Variants in SUPT16H observed in about 807,000 individuals in gnomAD.
SUPT16H encodes the protein FACT complex subunit SPT16.
A neutral mutation model predicts 136.2 loss-of-function variants in SUPT16H; 24 were observed. That is an observed-to-expected ratio of 0.18 (90% CI 0.13 to 0.25). The LOEUF is 0.25. Ranked by LOEUF, SUPT16H falls within the 10% of genes least tolerant of loss-of-function variation. The pLI is 1.00. For missense variants in SUPT16H, 623 were observed against 1,270.2 expected (o/e 0.49, Z 7.74); for synonymous variants, 415 against 428.2 (o/e 0.97, Z 0.38).
At chr14:21,356,078 C>T (rs907261102) in intron 22 of SUPT16H, among the ~76,000 whole-genome samples, 1 of 152,144 alleles carries the variant, frequency 6.6e-6, no homozygotes, top group Admixed American at 6.6e-5. Context: ...AGGGAGAATC[C>T]ACCACAACCT....
chr14:21,373,962 A>G (rs1886843365), intron 1 of SUPT16H, among the ~76,000 whole-genome samples: 1 of 152,182 alleles, frequency 6.6e-6, no homozygotes, highest in African/African-American at 2.4e-5. Context: ...TCCTAACTTC[A>G]GGTGATCCAC....
chr14:21,353,470 C>G lies in SUPT16H; in HGVS notation c.2998+18G>C, dbSNP rs1886366880. On this transcript the variant is annotated intron_variant, in intron 25 of 25. Coordinates refer to ENST00000216297, the MANE Select transcript of SUPT16H (RefSeq NM_007192.4). ...TGTGCGTAGACAAATGAATAAAAAA[C>G]AACACATTTTTAAAAACCTTTTCGG... is the stretch of plus-strand genomic sequence containing the variant. The G allele has an allele frequency of 6.2e-7, 1 of 1,609,722 alleles. No homozygotes were observed. Among genetic ancestry groups the G allele is most frequent in the Non-Finnish European group, 8.5e-7 (1 of 1,178,238 alleles).
At chr14:21,383,517 G>GT in intron 1 of SUPT16H, 1 of 638,814 alleles carries the variant, frequency 1.6e-6, no homozygotes, top group South Asian at 1.7e-5. Flanking sequence ...GAGCGAGTGC[G>GT]TGAGAACACG....
At chr14:21,363,609 G>T in intron 10 of SUPT16H, 106 bp from the exon 11 acceptor site, 1 of 895,940 alleles carries the variant, frequency 1.1e-6, no homozygotes, top group Non-Finnish European at 1.8e-6. Context: ...ACACTAAAAT[G>T]TTTGACAATG....
chr14:21,382,167 A>G (rs1566398811), intron 1 of SUPT16H, among the ~76,000 whole-genome samples: 1 of 152,232 alleles, frequency 6.6e-6, no homozygotes, highest in Non-Finnish European at 1.5e-5. Context: ...ACAAAAGCAG[A>G]AAGTCTTATT....
At chr14:21,370,037 T>C in intron 4 of SUPT16H, 141 bp from the exon 5 acceptor site, 1 of 1,074,634 alleles carries the variant, frequency 9.3e-7, no homozygotes, top group South Asian at 1.6e-5. Flanking sequence ...AAACATTCTC[T>C]TCTTGAACTG....
In SUPT16H at chr14:21,359,528, T is replaced by TC; in HGVS notation, c.2256dup (p.Lys753GlufsTer7). The TC allele has an allele frequency of 6.2e-7, 1 of 1,614,192 alleles. No homozygotes were observed. Among genetic ancestry groups the TC allele is most frequent in the Non-Finnish European group, 8.5e-7 (1 of 1,180,046 alleles). On this transcript the variant is annotated frameshift_variant, in exon 19 of 26. Transcript: ENST00000216297. LOFTEE classifies it high-confidence loss of function. ...TCTCGGTCATGCATATGCTGATGTT[T>TC]CCCCAAGTCCGTGGTTATCTCTCCC...
chr14:21,366,852 G>C (rs543966217), intron 7 of SUPT16H, among the ~76,000 whole-genome samples: 4 of 152,086 alleles, frequency 2.6e-5, no homozygotes, highest in African/African-American at 9.6e-5. Context: ...CTGCCATGTT[G>C]CCCAGGCTGG....
intron 1 of SUPT16H, among the ~76,000 whole-genome samples, chr14:21,377,473 G>T (rs1886927987): frequency 6.6e-6 from 1 of 152,024 alleles, no homozygotes; most frequent in Non-Finnish European, 1.5e-5. Context: ...CATTAACAAA[G>T]CCAATAGAGT....
At position 21,372,072 on chromosome 14, in the gene SUPT16H, G is replaced by A. The variant is rs111978752; in HGVS notation, c.160-28C>T. On this transcript the variant is annotated intron_variant, in intron 2 of 25. Transcript: ENST00000216297. ...ATGGAAAAAGACAACAGTGACAACG[G>A]TATTTACAGATACAAAAATTAATGG... 3,495 of 1,583,920 alleles carry A rather than the reference G, an allele frequency of 2.2e-3. 49 individuals carry two copies. The African/African-American group carries it at 0.033, about 15-fold the overall frequency.
At chr14:21,369,052 G>T in intron 6 of SUPT16H, 152 bp downstream of exon 6, 1 of 797,534 alleles carries the variant, frequency 1.3e-6, no homozygotes, top group Non-Finnish European at 1.9e-6. Flanking sequence ...TTGCACCTGG[G>T]TGATGGACAC....
At chr14:21,377,456 C>A (rs1264590414) in intron 1 of SUPT16H, among the ~76,000 whole-genome samples, 1 of 152,126 alleles carries the variant, frequency 6.6e-6, no homozygotes, top group Non-Finnish European at 1.5e-5. Context: ...GAATTTTATA[C>A]CTACTGCATT....
In SUPT16H at chr14:21,373,229, A is replaced by C. The variant is rs929572015; in HGVS notation, c.159+109T>G. ...CCAAAGTGCTGGGATTACAGGCATG[A>C]GCCACCGCAGCCAGCCAGGAATTTA... On this transcript the variant is annotated intron_variant, in intron 2 of 25. Coordinates refer to ENST00000216297, the MANE Select transcript of SUPT16H (RefSeq NM_007192.4). The C allele has an allele frequency of 6.8e-6, 6 of 884,432 alleles. No homozygotes were observed. The African/African-American group carries it at 8.3e-5, about 12-fold the overall frequency. The allele number at this position is 884,432 out of a possible 1,614,324, so 54.8% of individuals were successfully genotyped here.
rs1566383921 is a variant in SUPT16H at position 21,360,539 on chromosome 14, GA to G, written c.2057-7del. 6 of 1,602,606 alleles carry G rather than the reference GA, an allele frequency of 3.7e-6. No homozygotes were observed. Among genetic ancestry groups the G allele is most frequent in the South Asian group, 3.3e-5 (3 of 89,986 alleles). The stretch of plus-strand genomic sequence containing the variant: ...AACAGATGTGAAGCGGAAGCCTGGG[GA>G]AAAGAATGAAGAAATGTCAAGCAGT... On this transcript the variant is annotated splice_polypyrimidine_tract_variant and splice_region_variant and intron_variant, in intron 17 of 25. Transcript: ENST00000216297.
chr14:21,369,161 G>A (rs1281188612), intron 6 of SUPT16H, 43 bp downstream of exon 6: 1 of 1,572,720 alleles, frequency 6.4e-7, no homozygotes, highest in African/African-American at 1.4e-5. Flanking sequence ...GAAAAAATAG[G>A]CTAAAGTCAA....
chr14:21,377,267 T>G (rs74034915), intron 1 of SUPT16H, among the ~76,000 whole-genome samples: 2 of 152,138 alleles, frequency 1.3e-5, no homozygotes, highest in South Asian at 4.2e-4. Flanking sequence ...AAAAGAGACA[T>G]ATCAAAGCAC....
rs1459050358 is a variant in SUPT16H, at chr14:21,368,218, A to G, written c.955+51T>C. On this transcript the variant is annotated intron_variant, in intron 7 of 25. Transcript: ENST00000216297. ...AGGTGTGACCCACAGCTCCCGGCCA[A>G]TGACATTTTTGTTACACAACTTTCA... is the stretch of plus-strand genomic sequence containing the variant. 2.6e-6 allele frequency: 4 copies of G among 1,564,114 alleles called. No homozygotes were observed. In the South Asian group the frequency reaches 3.6e-5, roughly 14 times the overall value.
chr14:21,357,129 T>TA, intron 22 of SUPT16H, 68 bp downstream of exon 22: 1 of 1,441,266 alleles, frequency 6.9e-7, no homozygotes, highest in Non-Finnish European at 9.2e-7. Flanking sequence ...ATGCACAACA[T>TA]ACCACATTCA....
In SUPT16H at chr14:21,362,178, A is replaced by G. The variant is rs1886571191; in HGVS notation, c.1793+19T>C. 6.2e-7 allele frequency: 1 copy of G among 1,609,604 alleles called. No individual in the cohort carries two copies. The highest frequency in any genetic ancestry group is 1.7e-5 in the Admixed American group (1 of 59,314). On this transcript the variant is annotated intron_variant, in intron 15 of 25. Coordinates refer to ENST00000216297, the MANE Select transcript of SUPT16H (RefSeq NM_007192.4). ...TCCAGACAAGATGAATCTGGGTATGACTTTTCTTGGGGACTCACATTTCCT... is the reference window on the plus strand; with the variant it reads ...TCCAGACAAGATGAATCTGGGTATGGCTTTTCTTGGGGACTCACATTTCCT...
Sources: allele counts gnomAD v4.1 joint callset (sites outside exome capture counted in the v4.1 genomes callset), GRCh38; gene constraint gnomAD v4.1.1; transcripts MANE v1.5; gene names NCBI Gene and HGNC (gene_info 2026-07-23, HGNC 2026-07-21).